The following ZNF273 variants were observed in gnomAD, a reference collection of about 807,000 sequenced individuals.
The protein encoded by ZNF273 is zinc finger protein 273.
In ZNF273, 11 loss-of-function variants were observed where a neutral mutation model predicts 14.9. The observed-to-expected ratio is 0.74, with a 90% CI of 0.46 to 1.22. ZNF273 has a LOEUF of 1.22. Among genes scored for constraint, ZNF273 ranks in the 50% most tolerant of loss-of-function variants. The pLI, the probability that ZNF273 is intolerant of heterozygous loss-of-function variation, is 0.00. For missense variants in ZNF273, 577 were observed against 660.6 expected (o/e 0.87, Z 1.39); for synonymous variants, 199 against 223.9 (o/e 0.89, Z 0.99).
chr7:64,914,180 GTAT>G (rs1262965507), intron 1 of ZNF273, among the ~76,000 whole-genome samples: 3,135 of 63,002 alleles, frequency 0.05, 564 homozygotes, highest in Non-Finnish European at 0.075. Context: ...GGTAATTTTT[GTAT>G]TTTTTTTTTT....
chr7:64,901,872 C>G (rs750629293), upstream of ZNF273, among the ~76,000 whole-genome samples: 1 of 151,980 alleles, frequency 6.6e-6, no homozygotes, highest in Non-Finnish European at 1.5e-5. Context: ...ATCGCTTGAA[C>G]CCGGAGGTGG....
At chr7:64,927,247 A>T (rs7798063) in intron 3 of ZNF273, among the ~76,000 whole-genome samples, 26 of 151,886 alleles carry the variant, frequency 1.7e-4, no homozygotes, top group African/African-American at 6.3e-4. Context: ...CATGTGCCAC[A>T]CCCGGCTAAT....
chr7:64,905,109 C>CTTTTT (rs61024093), intron 1 of ZNF273, among the ~76,000 whole-genome samples: 1 of 75,376 alleles, frequency 1.3e-5, no homozygotes, highest in African/African-American at 5.2e-5. Context: ...TCCTGGTGCA[C>CTTTTT]TTTTTTTTTT....
At chr7:64,894,169 T>C (rs1391630741), downstream of ZNF273, among the ~76,000 whole-genome samples, 1 of 152,130 alleles carries the variant, frequency 6.6e-6, no homozygotes, top group African/African-American at 2.4e-5. Flanking sequence ...TACACCTGGC[T>C]ACTTTTTGTA....
At chr7:64,905,552 A>C (rs1292029695) in intron 1 of ZNF273, among the ~76,000 whole-genome samples, 4 of 126,634 alleles carry the variant, frequency 3.2e-5, no homozygotes, top group Non-Finnish European at 6.7e-5. Context: ...AGGGGAAAAC[A>C]AATAATTTCT....
chr7:64,928,833 C>A lies in ZNF273; in HGVS notation c.1505C>A (p.Thr502Asn), dbSNP rs555033749. 6.2e-7 allele frequency: 1 copy of A among 1,613,864 alleles called. No individual in the cohort carries two copies. Among genetic ancestry groups the A allele is most frequent in the Non-Finnish European group, 8.5e-7 (1 of 1,179,932 alleles). ...GCCTTTAACTGGTCCTCAACTCTTACTAAACATAAGAGAATTCATACTGGA... is the reference window on the plus strand; with the variant it reads ...GCCTTTAACTGGTCCTCAACTCTTAATAAACATAAGAGAATTCATACTGGA... ...GKAFNWSSTLTKHKRIHTGEK... is the reference protein window; with the variant it reads ...GKAFNWSSTLNKHKRIHTGEK... The change falls in exon 4 of 4, where the codon ACT (threonine) becomes AAT (asparagine). Residue 502 changes from threonine (T) to asparagine (N), a missense_variant. This residue lies in a region of ZNF273 where 411 missense variants were observed against 440.4 expected (regional missense o/e 0.93). Coordinates refer to ENST00000476120, the MANE Select transcript of ZNF273 (RefSeq NM_021148.3).
At chr7:64,893,266 CCCTTT>C (rs1248894736), downstream of ZNF273, 77 of 152,284 alleles carry the variant, frequency 5.1e-4, no homozygotes, top group African/African-American at 1.7e-3. Context: ...TTTGATATAA[CCCTTT>C]CCAAAAGTGT....
intron 1 of ZNF273, among the ~76,000 whole-genome samples, chr7:64,886,327 TG>T (rs1298753841): frequency 1.3e-5 from 2 of 151,990 alleles, no homozygotes; most frequent in African/African-American, 4.8e-5. Context: ...TAAAGTGGGG[TG>T]GGGTAGACAT....
intron 1 of ZNF273, among the ~76,000 whole-genome samples, chr7:64,886,442 A>T (rs976815161): frequency 6.6e-6 from 1 of 152,214 alleles, no homozygotes; most frequent in African/African-American, 2.4e-5. Flanking sequence ...AGAGGAAACT[A>T]AATTTGCACT....
At chr7:64,884,016 G>A (rs1418373026), downstream of ZNF273, among the ~76,000 whole-genome samples, 1 of 152,230 alleles carries the variant, frequency 6.6e-6, no homozygotes, top group Non-Finnish European at 1.5e-5. Context: ...ATTGCAGCAT[G>A]ATTCCTATAT....
intron 1 of ZNF273, among the ~76,000 whole-genome samples, chr7:64,887,768 G>A (rs1322893786): frequency 1.3e-5 from 2 of 151,510 alleles, no homozygotes; most frequent in East Asian, 1.9e-4. Context: ...AGAGTGCTGG[G>A]ATTACAAGCA....
At chr7:64,912,832 T>TGTTGTTGTTTTG (rs1554386326) in intron 1 of ZNF273, among the ~76,000 whole-genome samples, 2 of 61,198 alleles carry the variant, frequency 3.3e-5, no homozygotes, top group Non-Finnish European at 6.6e-5. Context: ...TTTAGTTTTT[T>TGTTGTTGTTTTG]TTTTTTTTTT....
At chr7:64,922,234 C>T (rs551299659) in intron 3 of ZNF273, among the ~76,000 whole-genome samples, 1 of 151,980 alleles carries the variant, frequency 6.6e-6, no homozygotes, top group Non-Finnish European at 1.5e-5. Context: ...CCTCAACCTT[C>T]CAAACTCAGA....
At chr7:64,933,313 A>T (rs1409946123), downstream of ZNF273, 2 of 152,212 alleles carry the variant, frequency 1.3e-5, no homozygotes, top group Non-Finnish European at 2.9e-5. Flanking sequence ...GGTGAAGTTC[A>T]GTCTACAGCT....
chr7:64,877,725 A>T (rs1485426842), exon 1 of ZNF273: 1 of 152,318 alleles, frequency 6.6e-6, no homozygotes, highest in Non-Finnish European at 1.5e-5. Context: ...GCGATCCTAG[A>T]AGTGTGCTGG....
At chr7:64,883,513 C>T (rs1791393610), downstream of ZNF273, among the ~76,000 whole-genome samples, 1 of 152,130 alleles carries the variant, frequency 6.6e-6, no homozygotes, top group Non-Finnish European at 1.5e-5. Context: ...GATGGGGTCC[C>T]GCACCTTCAT....
downstream of ZNF273, among the ~76,000 whole-genome samples, chr7:64,935,925 A>G (rs923286298): frequency 6.6e-6 from 1 of 152,230 alleles, no homozygotes; most frequent in South Asian, 2.1e-4. Context: ...GCTTTGCATA[A>G]TTGCCATGCT....
In ZNF273 at chr7:64,905,153, T is replaced by A. The variant is rs370048790; in HGVS notation, c.102+1734T>A. ...TTTTTTTTGAGACAGTCTCATTCTG[T>A]CGCCCAGGCTGGAGTGCAATGGGGC... On this transcript the variant is annotated intron_variant, in intron 1 of 3. Coordinates refer to ENST00000476120, the MANE Select transcript of ZNF273 (RefSeq NM_021148.3). Among the ~76,000 whole-genome samples, 12 of 132,084 alleles carry A rather than the reference T, an allele frequency of 9.1e-5. No individual in the cohort carries two copies. In the East Asian group the frequency reaches 2.7e-3, roughly 30 times the overall value. 86.7% of individuals were successfully genotyped at this position (132,084 alleles called of 152,430 possible). A position where few individuals can be genotyped will look rare whatever the true frequency, so the allele number is the denominator to read the frequency against.
intron 1 of ZNF273, among the ~76,000 whole-genome samples, chr7:64,912,825 A>ATTTTTTTTTTTTTTTTTTTT (rs1562959126): frequency 1.2e-4 from 2 of 16,846 alleles, no homozygotes; most frequent in Non-Finnish European, 6.9e-4. Context: ...GATTCATTTT[A>ATTTTTTTTTTTTTTTTTTTT]GTTTTTTTTT....
Sources: allele counts gnomAD v4.1 joint callset (sites outside exome capture counted in the v4.1 genomes callset), GRCh38; gene constraint gnomAD v4.1.1; regional missense constraint gnomAD v4.1.1; transcripts MANE v1.5; gene names NCBI Gene and HGNC (gene_info 2026-07-23, HGNC 2026-07-21).